The following RNASET2 variants were observed in gnomAD, a reference collection of about 807,000 sequenced individuals.
RNASET2 encodes ribonuclease T2.
A neutral mutation model predicts 33.9 loss-of-function variants in RNASET2; 28 were observed. That is an observed-to-expected ratio of 0.83 (90% CI 0.61 to 1.13). The LOEUF (loss-of-function observed/expected upper bound fraction) is 1.13. RNASET2 is among the 50% of genes most tolerant of loss of function. The probability of loss-of-function intolerance (pLI) is 0.00; values close to 1 mark genes in which losing one functional copy is unlikely to be tolerated. For synonymous variants in RNASET2, 123 were observed against 121.0 expected (o/e 1.02, Z -0.11); for missense variants, 330 against 319.9 (o/e 1.03, Z -0.24).
chr6:166,956,287 G>C lies in RNASET2; in HGVS notation c.-105C>G. On this transcript the variant is annotated 5_prime_UTR_variant, in exon 1 of 9. Coordinates refer to ENST00000508775, the MANE Select transcript of RNASET2 (RefSeq NM_003730.6). Reference sequence around the variant, plus strand: ...GGAGAAACGCTGTCTCCGAGCCCCCGCGCCGCCGCGCTCCCTCCGCTGCAG... The same window carrying C: ...GGAGAAACGCTGTCTCCGAGCCCCCCCGCCGCCGCGCTCCCTCCGCTGCAG... 1 of 1,112,912 alleles carries C rather than the reference G, an allele frequency of 9.0e-7. No individual in the cohort carries two copies. The highest frequency in any genetic ancestry group is 1.3e-6 in the Non-Finnish European group (1 of 753,078). The allele number at this position is 1,112,912 out of a possible 1,614,324, so 68.9% of individuals were successfully genotyped here. A position where few individuals can be genotyped will look rare whatever the true frequency, so the allele number is the denominator to read the frequency against.
intron 4 of RNASET2, among the ~76,000 whole-genome samples, chr6:166,946,479 G>A (rs1188317430): frequency 6.6e-6 from 1 of 152,236 alleles, no homozygotes; most frequent in African/African-American, 2.4e-5. Context: ...CAGGGCAGGG[G>A]AGGGGAGGAG....
intron 2 of RNASET2, among the ~76,000 whole-genome samples, chr6:166,950,076 A>C (rs1437283965): frequency 6.6e-6 from 1 of 152,182 alleles, no homozygotes; most frequent in East Asian, 1.9e-4. Flanking sequence ...CCATATTTAC[A>C]TTCAGTGTGC....
intron 1 of RNASET2, among the ~76,000 whole-genome samples, chr6:166,955,217 ACACG>A (rs1215592768): frequency 0.014 from 1,254 of 88,530 alleles, 52 homozygotes; most frequent in African/African-American, 0.079. Flanking sequence ...ACGCACGCAC[ACACG>A]CGCACACACG....
Position 166,933,790 on chromosome 6 carries a change from A to G in RNASET2, c.492+301T>C, listed in dbSNP as rs558680432. On this transcript the variant is annotated intron_variant, in intron 7 of 8. Coordinates refer to ENST00000508775, the MANE Select transcript of RNASET2 (RefSeq NM_003730.6). The surrounding 1 kb of genome is among the most constrained non-coding windows in gnomAD (Gnocchi z 4.1). ...AACAAATATAAGACTACGTTATAAAAGTGAATGTGACTCTTGAAACTGCAG... is the reference window on the plus strand; with the variant it reads ...AACAAATATAAGACTACGTTATAAAGGTGAATGTGACTCTTGAAACTGCAG... The G allele has an allele frequency of 4.5e-5, 21 of 467,872 alleles. No homozygotes were observed. Among genetic ancestry groups the G allele is most frequent in the African/African-American group, 3.7e-4 (19 of 51,676 alleles). 29.0% of individuals were successfully genotyped at this position (467,872 alleles called of 1,614,324 possible).
rs573323949 is a variant in RNASET2 at position 166,952,929 on chromosome 6, G to C, written c.87-381C>G. ...AATGCAGACCCACGATCCCTCCCCT[G>C]CATTCGTGAAACCCATAAAAGCCTG... On this transcript the variant is annotated intron_variant, in intron 1 of 8. Coordinates refer to ENST00000508775, the MANE Select transcript of RNASET2 (RefSeq NM_003730.6). 8.0e-5 allele frequency: 19 copies of C among 237,844 alleles called. 1 individual carries two copies. In the South Asian group the frequency reaches 1.1e-3, roughly 13 times the overall value. The allele number at this position is 237,844 out of a possible 1,614,324, so 14.7% of individuals were successfully genotyped here.
intron 4 of RNASET2, chr6:166,945,567 C>A (rs3777724): frequency 0.26 from 39,742 of 152,518 alleles, 5,421 homozygotes; most frequent in Middle Eastern, 0.36. Flanking sequence ...GCGGTGGCTC[C>A]CACCTGTAAT....
At chr6:166,929,866 T>C (rs1244472756) in intron 8 of RNASET2, 75 bp from the exon 9 acceptor site, 1 of 1,389,718 alleles carries the variant, frequency 7.2e-7, no homozygotes, top group East Asian at 2.3e-5. Context: ...TCATGAACTT[T>C]TAGAACTTTT....
Position 166,927,357 on chromosome 6 carries a change from G to A in RNASET2, c.*2231C>T, listed in dbSNP as rs1171849812. ...AAGCATTTGCTTGTGCTCATGTTTT[G>A]AACCATCCAGCCCCTCACCAGTGCC... On this transcript the variant is annotated 3_prime_UTR_variant, in exon 9 of 9. Coordinates refer to ENST00000508775, the MANE Select transcript of RNASET2 (RefSeq NM_003730.6). Among the ~76,000 whole-genome samples, 2 of 152,044 alleles carry A rather than the reference G, an allele frequency of 1.3e-5. No homozygotes were observed. Among genetic ancestry groups the A allele is most frequent in the Non-Finnish European group, 2.9e-5 (2 of 68,006 alleles).
chr6:166,925,815 C>A lies in RNASET2; in HGVS notation c.*3773G>T, dbSNP rs1778296483. Among the ~76,000 whole-genome samples, 1 of 152,214 alleles carries A rather than the reference C, an allele frequency of 6.6e-6. No homozygotes were observed. The highest frequency in any genetic ancestry group is 2.4e-5 in the African/African-American group (1 of 41,452). On this transcript the variant is annotated 3_prime_UTR_variant, in exon 9 of 9. Transcript: ENST00000508775. ...TAGGTGAGCAGAAGAGCACTCCAGG[C>A]CACCCAAACTGCGCGGAGAATCCAG...
Position 166,929,570 on chromosome 6 carries a change from A to C in RNASET2, c.*18T>G. 1.9e-6 allele frequency: 3 copies of C among 1,612,296 alleles called. No homozygotes were observed. The highest frequency in any genetic ancestry group is 2.5e-6 in the Non-Finnish European group (3 of 1,178,326). Reference sequence around the variant, plus strand: ...TTTCTCTTGCTTTTTAAAACAGAATATTTCCAAAACTTGGGCATCAATGCT... The same window carrying C: ...TTTCTCTTGCTTTTTAAAACAGAATCTTTCCAAAACTTGGGCATCAATGCT... On this transcript the variant is annotated 3_prime_UTR_variant, in exon 9 of 9. Coordinates refer to ENST00000508775, the MANE Select transcript of RNASET2 (RefSeq NM_003730.6).
intron 2 of RNASET2, among the ~76,000 whole-genome samples, chr6:166,951,932 C>T (rs1456670134): frequency 3.3e-5 from 5 of 152,132 alleles, no homozygotes; most frequent in Admixed American, 2.0e-4. Flanking sequence ...CTGTCCTAAC[C>T]CCTCCTCCCA....
chr6:166,944,722 C>T (rs1778786525), intron 4 of RNASET2, among the ~76,000 whole-genome samples: 3 of 151,574 alleles, frequency 2.0e-5, no homozygotes, highest in South Asian at 2.1e-4. Flanking sequence ...CTGTCCTGGA[C>T]CCCCCGGGGA....
intron 4 of RNASET2, among the ~76,000 whole-genome samples, chr6:166,946,059 A>G (rs1292736785): frequency 6.6e-6 from 1 of 152,170 alleles, no homozygotes; most frequent in Non-Finnish European, 1.5e-5. Context: ...ACCCCTAAGG[A>G]AAGATGAGGG....
rs569988456 is a variant in RNASET2, at chr6:166,931,783, G to C, written c.493-665C>G. On this transcript the variant is annotated intron_variant, in intron 7 of 8. Transcript: ENST00000508775. ...TCTGGCTTTGGGGGGCACCAAGCTG[G>C]GGTCACCAGCTCCAGCAGATGCCTT... 22 of 155,890 alleles carry C rather than the reference G, an allele frequency of 1.4e-4. No individual in the cohort carries two copies. In the East Asian group the frequency reaches 3.8e-3, roughly 27 times the overall value. 9.7% of individuals were successfully genotyped at this position (155,890 alleles called of 1,614,324 possible).
At chr6:166,931,349 C>T in intron 7 of RNASET2, 1 of 572,866 alleles carries the variant, frequency 1.7e-6, no homozygotes, top group South Asian at 2.0e-5. Flanking sequence ...CTCTGTTTTC[C>T]TCTCTGCTCC....
intron 1 of RNASET2, among the ~76,000 whole-genome samples, chr6:166,954,233 C>A (rs9459812): frequency 0.098 from 14,913 of 152,126 alleles, 821 homozygotes; most frequent in Non-Finnish European, 0.11. Flanking sequence ...GGAAAATGCC[C>A]GCTGACCTAT....
chr6:166,956,146 A>C lies in RNASET2; in HGVS notation c.37T>G (p.Cys13Gly). 6.4e-7 allele frequency: 1 copy of C among 1,551,124 alleles called. No homozygotes were observed. Among genetic ancestry groups the C allele is most frequent in the Non-Finnish European group, 8.7e-7 (1 of 1,146,914 alleles). ...AGGCAAAGCAACGCCAGGCAGAGGC[A>C]GCCCAGCAGGGCCCCGCGCAGGGCT... ...PAALRGALLGCLCLALLCLGG... is the reference protein window; with the variant it reads ...PAALRGALLGGLCLALLCLGG... Residue 13 changes from cysteine (C) to glycine (G), a missense_variant, in exon 1 of 9, where the codon TGC (cysteine) becomes GGC (glycine). Transcript: ENST00000508775.
At chr6:166,943,976 T>G (rs1379144090) in intron 4 of RNASET2, 5 of 239,150 alleles carry the variant, frequency 2.1e-5, no homozygotes, top group Non-Finnish European at 3.4e-5. Flanking sequence ...AAAAATTAGC[T>G]GGGCACGGTG....
At chr6:166,943,540 CAAGGGGAGGAAGA>C (rs1778744942) in intron 4 of RNASET2, 2 of 327,716 alleles carry the variant, frequency 6.1e-6, no homozygotes, top group Non-Finnish European at 1.2e-5. Flanking sequence ...CTTGGGGGTT[CAAGGGGAGGAAGA>C]AGGGGAGGTA....
Sources: gnomAD v4.1 joint callset for allele counts (sites outside exome capture counted in the v4.1 genomes callset) on GRCh38, gnomAD v4.1.1 for gene constraint, Gnocchi (gnomAD v3.1) non-coding constraint, MANE v1.5 for transcripts, NCBI Gene and HGNC (gene_info 2026-07-23, HGNC 2026-07-21) for gene names.